The following EML1 variants were observed in gnomAD, a reference collection of about 807,000 sequenced individuals.
EML1 encodes EMAP like 1.
EML1 carries 27 observed loss-of-function variants against 110.4 expected under a neutral mutation model. The ratio of observed to expected loss-of-function variants is 0.24; its 90% CI spans 0.18 to 0.34. The LOEUF is 0.34. Ranked by LOEUF, EML1 falls within the 10% of genes least tolerant of loss-of-function variation. EML1 has a pLI of 1.00. For synonymous variants in EML1, 344 were observed against 385.8 expected, an observed-to-expected ratio of 0.89 and a Z score of 1.27; for missense variants, 741 against 1,030.9, an observed-to-expected ratio of 0.72 and a Z score of 3.85.
At chr14:99,848,468 G>A (rs1302882182) in intron 1 of EML1, among the ~76,000 whole-genome samples, 6 of 151,890 alleles carry the variant, frequency 4.0e-5, no homozygotes, top group Admixed American at 2.0e-4. Flanking sequence ...AAAACATGTT[G>A]TATACAATAT....
intron 1 of EML1, among the ~76,000 whole-genome samples, chr14:99,809,132 C>T (rs765866763): frequency 1.1e-4 from 16 of 152,098 alleles, no homozygotes; most frequent in South Asian, 2.1e-4. Flanking sequence ...AGAGAAAATA[C>T]GCTATAGATA....
At chr14:99,875,679 A>G (rs2059279270) in intron 3 of EML1, among the ~76,000 whole-genome samples, 1 of 152,178 alleles carries the variant, frequency 6.6e-6, no homozygotes, top group Non-Finnish European at 1.5e-5. Flanking sequence ...GGTTGGGCAA[A>G]GTGTGCATCA....
At chr14:99,875,644 A>G (rs1318972917) in intron 3 of EML1, among the ~76,000 whole-genome samples, 1 of 152,186 alleles carries the variant, frequency 6.6e-6, no homozygotes, top group Non-Finnish European at 1.5e-5. Flanking sequence ...TTGCGGCTGC[A>G]AAATCTCCCA....
intron 1 of EML1, among the ~76,000 whole-genome samples, chr14:99,755,066 T>C (rs1388796139): frequency 6.6e-6 from 1 of 152,280 alleles, no homozygotes; most frequent in Non-Finnish European, 1.5e-5. Flanking sequence ...CTTTGTGTTC[T>C]TTTGGGAAAT....
Position 99,905,709 on chromosome 14 carries a change from T to A in EML1, c.1009-1929T>A, listed in dbSNP as rs1421361030. Among the ~76,000 whole-genome samples, 2 of 152,154 alleles carry A rather than the reference T, an allele frequency of 1.3e-5. No individual in the cohort carries two copies. The highest frequency in any genetic ancestry group is 2.9e-5 in the Non-Finnish European group (2 of 68,024). ...GATGATAATAGCAGTTAACGTCCCA[T>A]AGTGCCAAGCCTGTTCTTAGCTGAA... On this transcript the variant is annotated intron_variant, in intron 9 of 21. Transcript: ENST00000262233. The surrounding 1 kb of genome is among the most constrained non-coding windows in gnomAD (Gnocchi z 4.1).
intron 1 of EML1, among the ~76,000 whole-genome samples, chr14:99,821,972 G>A (rs1050474406): frequency 6.6e-6 from 1 of 152,222 alleles, no homozygotes; most frequent in Non-Finnish European, 1.5e-5. Context: ...TTGAAGCACA[G>A]CTTCAAATGC....
chr14:99,833,626 C>A (rs1485104667), intron 1 of EML1, among the ~76,000 whole-genome samples: 2 of 152,210 alleles, frequency 1.3e-5, no homozygotes, highest in African/African-American at 4.8e-5. Flanking sequence ...AACCCACAGA[C>A]ACGGTATATC....
intron 15 of EML1, among the ~76,000 whole-genome samples, chr14:99,916,422 T>A (rs1177061848): frequency 6.6e-6 from 1 of 152,244 alleles, no homozygotes; most frequent in Non-Finnish European, 1.5e-5. Flanking sequence ...TTCTTTCTCT[T>A]GGTTTTTTAG....
chr14:99,836,174 ATCTCC>A (rs1187205333), intron 1 of EML1, among the ~76,000 whole-genome samples: 1 of 151,294 alleles, frequency 6.6e-6, no homozygotes, highest in African/African-American at 2.4e-5. Flanking sequence ...CATGGAATAT[ATCTCC>A]GTTTCTTTAG....
At chr14:99,836,735 G>C (rs1211735863) in intron 1 of EML1, among the ~76,000 whole-genome samples, 21 of 152,118 alleles carry the variant, frequency 1.4e-4, no homozygotes, top group Non-Finnish European at 1.5e-5. Flanking sequence ...TTGCCTCGTT[G>C]GGTGCTGGAT....
chr14:99,907,865 C>T (rs750899188), intron 10 of EML1, 132 bp downstream of exon 10: 9 of 740,402 alleles, frequency 1.2e-5, no homozygotes, highest in East Asian at 2.7e-5. Context: ...ACCTTAGAAT[C>T]GTTTGGCCCC....
chr14:99,893,436 A>T (rs1437546081), intron 5 of EML1, among the ~76,000 whole-genome samples: 1 of 152,142 alleles, frequency 6.6e-6, no homozygotes, highest in African/African-American at 2.4e-5. Flanking sequence ...ATAGGCAGGG[A>T]TGATCGCGTT....
At chr14:99,737,760 G>T (rs2056985894) in exon 1 of EML1, 1 of 1,281,904 alleles carries the variant, frequency 7.8e-7, no homozygotes, top group Admixed American at 2.3e-5. Context: ...AGCCCTGCTG[G>T]GTGGGTGACA....
At chr14:99,739,129 T>A (rs748053738) in intron 1 of EML1, among the ~76,000 whole-genome samples, 25,572 of 65,382 alleles carry the variant, frequency 0.39, 2,540 homozygotes, top group South Asian at 0.58. Context: ...AGTGTGTGTG[T>A]GTGTGTGTGT....
At chr14:99,840,271 G>A (rs1284413108) in intron 1 of EML1, among the ~76,000 whole-genome samples, 1 of 152,192 alleles carries the variant, frequency 6.6e-6, no homozygotes, top group Admixed American at 6.5e-5. Context: ...AAGGCAAAAT[G>A]ATGTAAAAAT....
intron 1 of EML1, among the ~76,000 whole-genome samples, chr14:99,800,558 C>A (rs985005116): frequency 3.3e-5 from 5 of 152,040 alleles, no homozygotes; most frequent in Non-Finnish European, 5.9e-5. Flanking sequence ...GAGATGCAGT[C>A]TTTCTTTGTT....
In EML1 at chr14:99,919,413, C is replaced by T. The variant is rs1034326849; in HGVS notation, c.1821-1376C>T. Among the ~76,000 whole-genome samples, 19 of 77,844 alleles carry T rather than the reference C, an allele frequency of 2.4e-4. 1 individual carries two copies. The East Asian group carries it at 5.9e-3, about 24-fold the overall frequency. The allele number at this position is 77,844 out of a possible 152,430, so 51.1% of individuals were successfully genotyped here. Reference sequence around the variant, plus strand: ...GTTTGTATAGCCACACACACACATACGCATGCACACAGACACACACACACA... The same window carrying T: ...GTTTGTATAGCCACACACACACATATGCATGCACACAGACACACACACACA... On this transcript the variant is annotated intron_variant, in intron 16 of 21. Coordinates refer to ENST00000262233, the MANE Select transcript of EML1 (RefSeq NM_004434.3).
intron 4 of EML1, among the ~76,000 whole-genome samples, chr14:99,886,304 G>T (rs977618192): frequency 5.3e-5 from 8 of 152,142 alleles, no homozygotes; most frequent in African/African-American, 1.7e-4. Context: ...CAACATGGCG[G>T]AACCCTGTCT....
rs781228383 is a variant in EML1, at chr14:99,920,866, G to A, written c.1898G>A (p.Arg633Gln). ...TDGNEQLSVM[R>Q]YSPDGNFLAI... ...GGAAACGAACAGCTCTCTGTAATGC[G>A]ATACTCACCAGGTTAGACTCCAAAC... The change falls in exon 17 of 22, where the codon CGA (arginine) becomes CAA (glutamine). Residue 633 changes from arginine to glutamine, a missense_variant. By Grantham distance (43) the Arg-to-Gln change is conservative. Transcript: ENST00000262233. 2.2e-5 allele frequency: 36 copies of A among 1,612,560 alleles called. No homozygotes were observed. The highest frequency in any genetic ancestry group is 8.8e-5 in the South Asian group (8 of 90,688).
Sources: gnomAD v4.1 joint callset for allele counts (sites outside exome capture counted in the v4.1 genomes callset) on GRCh38, gnomAD v4.1.1 for gene constraint, Gnocchi (gnomAD v3.1) non-coding constraint, MANE v1.5 for transcripts, NCBI Gene and HGNC (gene_info 2026-07-23, HGNC 2026-07-21) for gene names.